Variants in MAGI1 observed in about 807,000 individuals in gnomAD.
MAGI1 encodes membrane associated guanylate kinase, WW and PDZ domain containing 1.
Under a neutral mutation model 139.9 loss-of-function variants are expected in MAGI1, and 58 were observed. That is an observed-to-expected ratio of 0.41 (90% confidence interval 0.34 to 0.52). MAGI1 has a LOEUF of 0.52. Ranked by LOEUF, MAGI1 falls within the 20% of genes least tolerant of loss-of-function variation. MAGI1 has a pLI of 0.12. For missense variants in MAGI1, 1,874 were observed against 1,901.6 expected, an observed-to-expected ratio of 0.99 and a Z score of 0.27; for synonymous variants, 812 against 737.9, an observed-to-expected ratio of 1.10 and a Z score of -1.63.
chr3:65,448,111 G>A, intron 6 of MAGI1, 54 bp from the exon 7 acceptor site: 1 of 1,519,136 alleles, frequency 6.6e-7, no homozygotes, highest in Non-Finnish European at 9.1e-7. Flanking sequence ...GCAAAATTCA[G>A]ACACCAGCAC....
At chr3:65,993,492 C>T (rs1323393395) in intron 1 of MAGI1, among the ~76,000 whole-genome samples, 1 of 152,216 alleles carries the variant, frequency 6.6e-6, no homozygotes, top group Non-Finnish European at 1.5e-5. Context: ...ACACATTAGT[C>T]TTTCATTCAA....
intron 1 of MAGI1, chr3:65,872,825 G>GT (rs2108494393): frequency 1.3e-5 from 2 of 152,250 alleles, no homozygotes; most frequent in African/African-American, 4.8e-5. Context: ...ACATACCATA[G>GT]TTTTTATTTA....
chr3:65,401,369 C>CCCCG, intron 13 of MAGI1, 70 bp downstream of exon 13: 1 of 1,187,614 alleles, frequency 8.4e-7, no homozygotes. Context: ...ACACAGAGTA[C>CCCCG]CCTCCCACCT....
chr3:65,670,400 G>GT (rs994494927), intron 1 of MAGI1, among the ~76,000 whole-genome samples: 1 of 151,154 alleles, frequency 6.6e-6, no homozygotes, highest in Non-Finnish European at 1.5e-5. Context: ...CAACATTGAA[G>GT]TTTTTTTTAA....
chr3:65,785,914 C>T (rs111795482), intron 1 of MAGI1, among the ~76,000 whole-genome samples: 4,026 of 152,032 alleles, frequency 0.026, 61 homozygotes, highest in Admixed American at 0.046. Context: ...CGACCTCCCC[C>T]TTATTCCTGC....
intron 1 of MAGI1, among the ~76,000 whole-genome samples, chr3:65,890,163 G>C (rs2060687114): frequency 6.6e-6 from 1 of 152,208 alleles, no homozygotes; most frequent in East Asian, 1.9e-4. Flanking sequence ...AGGAGATCGA[G>C]ACCATCCTGG....
At chr3:65,785,559 T>A (rs1234374432) in intron 1 of MAGI1, among the ~76,000 whole-genome samples, 1 of 152,236 alleles carries the variant, frequency 6.6e-6, no homozygotes, top group Non-Finnish European at 1.5e-5. Context: ...CTTATTTGTT[T>A]AGGATAAAAT....
In MAGI1 at chr3:65,689,541, C is replaced by T. The variant is rs2088385920; in HGVS notation, c.314-67453G>A. On this transcript the variant is annotated intron_variant, in intron 1 of 22. Transcript: ENST00000402939. ...ATAAAATATCCTTCGGAATTAACTA[C>T]GTGCCAGGTCACAGTGACACCAAGG... is the stretch of plus-strand genomic sequence containing the variant. Among the ~76,000 whole-genome samples the T allele has an allele frequency of 2.0e-5, 3 of 152,306 alleles. No homozygotes were observed. The South Asian group carries it at 6.2e-4, about 32-fold the overall frequency.
chr3:65,630,752 G>A (rs183956719), intron 1 of MAGI1, among the ~76,000 whole-genome samples: 3 of 152,272 alleles, frequency 2.0e-5, no homozygotes, highest in African/African-American at 7.2e-5. Context: ...ACTACACACT[G>A]GGTGCCGTGT....
At chr3:65,830,777 G>A (rs907378228) in intron 1 of MAGI1, among the ~76,000 whole-genome samples, 2 of 152,102 alleles carry the variant, frequency 1.3e-5, no homozygotes, top group Non-Finnish European at 2.9e-5. Context: ...CATGTTTTCA[G>A]TAAGGTAAAT....
chr3:65,734,077 A>G (rs1353614360), intron 1 of MAGI1, among the ~76,000 whole-genome samples: 2 of 152,174 alleles, frequency 1.3e-5, no homozygotes, highest in African/African-American at 4.8e-5. Context: ...ACATCGTCTC[A>G]GTCGATTTTT....
chr3:65,393,037 A>G (rs993155080), intron 13 of MAGI1, among the ~76,000 whole-genome samples: 3 of 152,184 alleles, frequency 2.0e-5, no homozygotes, highest in Non-Finnish European at 2.9e-5. Flanking sequence ...TTGGGTGGGA[A>G]CAAACACCAT....
chr3:66,014,620 T>C (rs2067523148), intron 1 of MAGI1, among the ~76,000 whole-genome samples: 1 of 152,208 alleles, frequency 6.6e-6, no homozygotes, highest in Non-Finnish European at 1.5e-5. Flanking sequence ...TTCCAAAGAA[T>C]AGGTTTCTAG....
intron 4 of MAGI1, among the ~76,000 whole-genome samples, chr3:65,471,428 G>C (rs1046096051): frequency 5.9e-5 from 9 of 152,244 alleles, no homozygotes; most frequent in South Asian, 2.1e-4. Flanking sequence ...ATGATAAAAG[G>C]CTGTTTTCAA....
chr3:65,714,727 A>T (rs1317536671), intron 1 of MAGI1, among the ~76,000 whole-genome samples: 1 of 152,124 alleles, frequency 6.6e-6, no homozygotes, highest in Admixed American at 6.5e-5. Flanking sequence ...CAAGTCCTCA[A>T]TCATTTCTTC....
chr3:66,024,974 G>A (rs986158671), intron 1 of MAGI1, among the ~76,000 whole-genome samples: 4 of 152,094 alleles, frequency 2.6e-5, no homozygotes, highest in East Asian at 3.9e-4. Flanking sequence ...TCTCTGGGGG[G>A]GTAAAATGAT....
intron 3 of MAGI1, among the ~76,000 whole-genome samples, chr3:65,484,563 C>G (rs1951506248): frequency 2.6e-5 from 4 of 152,146 alleles, no homozygotes. Context: ...TCCAGCATAT[C>G]TGATTTTGCC....
At chr3:65,385,682 T>C (rs1943392334) in intron 14 of MAGI1, among the ~76,000 whole-genome samples, 1 of 152,226 alleles carries the variant, frequency 6.6e-6, no homozygotes. Context: ...GCTATCTCAG[T>C]GCCAGGGCTG....
chr3:65,648,404 C>G (rs78583138), intron 1 of MAGI1, among the ~76,000 whole-genome samples: 12,729 of 152,126 alleles, frequency 0.084, 764 homozygotes, highest in Non-Finnish European at 0.13. Flanking sequence ...CCTGCCTCAG[C>G]CTCCCAAAGT....
Sources: gnomAD v4.1 joint callset for allele counts (sites outside exome capture counted in the v4.1 genomes callset) on GRCh38, gnomAD v4.1.1 for gene constraint, MANE v1.5 for transcripts, NCBI Gene and HGNC (gene_info 2026-07-23, HGNC 2026-07-21) for gene names.